PLD5: variants seen among roughly 807,000 people sequenced by gnomAD.
PLD5 encodes the protein inactive phospholipase D5.
Under a neutral mutation model 61.1 loss-of-function variants are expected in PLD5, and 36 were observed. The observed-to-expected ratio is 0.59, with a 90% confidence interval of 0.45 to 0.78. The LOEUF (loss-of-function observed/expected upper bound fraction) is 0.78, where lower values mean the gene tolerates loss of function less well. PLD5 is among the 30% of genes least tolerant of loss of function. The pLI, the probability that PLD5 is intolerant of heterozygous loss-of-function variation, is 0.00. For synonymous variants in PLD5, 243 were observed against 242.8 expected (o/e 1.00, Z -0.01); for missense variants, 515 against 644.4 (o/e 0.80, Z 2.17).
chr1:242,151,184 C>A (rs998866618), intron 5 of PLD5, among the ~76,000 whole-genome samples: 1 of 151,828 alleles, frequency 6.6e-6, no homozygotes, highest in Non-Finnish European at 1.5e-5. Flanking sequence ...CTATAGACAT[C>A]GGTTATCTTT....
intron 5 of PLD5, 67 bp downstream of exon 5, chr1:242,219,921 G>A (rs936999899): frequency 3.6e-5 from 56 of 1,563,520 alleles, no homozygotes; most frequent in Admixed American, 5.1e-5. Flanking sequence ...CTGCAGTAGC[G>A]TGCTTTATGA....
chr1:242,136,621 C>T (rs1663751544), intron 5 of PLD5, among the ~76,000 whole-genome samples: 1 of 152,190 alleles, frequency 6.6e-6, no homozygotes, highest in Non-Finnish European at 1.5e-5. Context: ...AAGCACTACT[C>T]TGCTGAGGCT....
chr1:242,275,429 T>C (rs1258547349), intron 3 of PLD5, among the ~76,000 whole-genome samples: 2 of 152,178 alleles, frequency 1.3e-5, no homozygotes, highest in African/African-American at 4.8e-5. Flanking sequence ...ATATACAAAG[T>C]TTGCCACAGA....
In PLD5 at chr1:242,114,077, G is replaced by A. The variant is rs1268838764; in HGVS notation, c.934-51C>T. ...TTAGCGTACTAATTTTTGGCAGCTG[G>A]GGATTTATTTATTTCCTTTGTTTCC... On this transcript the variant is annotated intron_variant, in intron 6 of 9. Coordinates refer to ENST00000536534, the MANE Select transcript of PLD5 (RefSeq NM_001372062.1). The A allele has an allele frequency of 1.9e-6, 3 of 1,585,854 alleles. No homozygotes were observed. In the Admixed American group the frequency reaches 5.3e-5, roughly 28 times the overall value.
chr1:242,426,899 C>T (rs939726279), intron 1 of PLD5, among the ~76,000 whole-genome samples: 1 of 152,170 alleles, frequency 6.6e-6, no homozygotes, highest in Non-Finnish European at 1.5e-5. Flanking sequence ...GCGCCACCAC[C>T]AGGCCTAGCC....
intron 4 of PLD5, among the ~76,000 whole-genome samples, chr1:242,241,691 C>A (rs1014805711): frequency 6.6e-6 from 1 of 151,578 alleles, no homozygotes; most frequent in Non-Finnish European, 1.5e-5. Context: ...TAAATGTGCG[C>A]AGGTTGGTGA....
intron 1 of PLD5, among the ~76,000 whole-genome samples, chr1:242,498,599 C>T (rs1203439615): frequency 2.0e-5 from 3 of 152,204 alleles, no homozygotes; most frequent in Admixed American, 6.5e-5. Context: ...ATTTATTCAA[C>T]AGTCCCTATG....
Position 242,406,930 on chromosome 1 carries a change from G to A in PLD5, c.190-58688C>T, listed in dbSNP as rs1463583380. Reference sequence around the variant, plus strand: ...TATGAATTGTTAGGTTTTTGGTTCTGTAGGGGTAAGAGGGGAAATTGCCTA... The same window carrying A: ...TATGAATTGTTAGGTTTTTGGTTCTATAGGGGTAAGAGGGGAAATTGCCTA... On this transcript the variant is annotated intron_variant, in intron 1 of 9. Transcript: ENST00000536534. Among the ~76,000 whole-genome samples, 5 of 152,296 alleles carry A rather than the reference G, an allele frequency of 3.3e-5. No homozygotes were observed. In the South Asian group the frequency reaches 6.2e-4, roughly 19 times the overall value.
intron 5 of PLD5, among the ~76,000 whole-genome samples, chr1:242,204,446 G>T (rs999975783): frequency 6.6e-6 from 1 of 152,108 alleles, no homozygotes; most frequent in Non-Finnish European, 1.5e-5. Flanking sequence ...TAACCAAGGC[G>T]TTGCTGCCCA....
intron 5 of PLD5, among the ~76,000 whole-genome samples, chr1:242,140,348 G>C (rs563899276): frequency 5.9e-5 from 9 of 152,280 alleles, no homozygotes; most frequent in African/African-American, 2.2e-4. Flanking sequence ...TGCTATGTAA[G>C]GGATACTTTC....
intron 1 of PLD5, among the ~76,000 whole-genome samples, chr1:242,390,432 G>A (rs1002928894): frequency 2.0e-5 from 3 of 152,116 alleles, no homozygotes; most frequent in African/African-American, 7.2e-5. Context: ...CTCTCACACA[G>A]TTCTTAGATT....
chr1:242,409,071 A>G (rs112340500), intron 1 of PLD5, among the ~76,000 whole-genome samples: 2,240 of 140,428 alleles, frequency 0.016, 20 homozygotes, highest in Non-Finnish European at 0.023. Flanking sequence ...CTCTCAAAAA[A>G]AAAAGAAAAG....
intron 1 of PLD5, among the ~76,000 whole-genome samples, chr1:242,491,908 T>A (rs549432729): frequency 6.6e-6 from 1 of 152,358 alleles, no homozygotes; most frequent in Admixed American, 6.5e-5. Flanking sequence ...ATTCTTATAA[T>A]GCTGCAATTA....
chr1:242,355,281 C>T (rs1431763107), intron 1 of PLD5, among the ~76,000 whole-genome samples: 1 of 152,118 alleles, frequency 6.6e-6, no homozygotes, highest in Non-Finnish European at 1.5e-5. Context: ...CTTTTCATTA[C>T]TGGTTCAATC....
chr1:242,473,924 A>G (rs1425826974), intron 1 of PLD5, among the ~76,000 whole-genome samples: 1 of 152,210 alleles, frequency 6.6e-6, no homozygotes, highest in Non-Finnish European at 1.5e-5. Context: ...TTCAATGGGA[A>G]CATTCCATTA....
chr1:242,259,062 A>G (rs535118497), intron 4 of PLD5, among the ~76,000 whole-genome samples: 7 of 152,352 alleles, frequency 4.6e-5, no homozygotes, highest in African/African-American at 1.7e-4. Flanking sequence ...TGGATTAAAT[A>G]TTAATGAACA....
At chr1:242,450,379 A>T (rs1389709114) in intron 1 of PLD5, among the ~76,000 whole-genome samples, 1 of 151,832 alleles carries the variant, frequency 6.6e-6, no homozygotes, top group Non-Finnish European at 1.5e-5. Flanking sequence ...CATCTATTCC[A>T]CTCTAGAATA....
Position 242,506,553 on chromosome 1 carries a change from G to A in PLD5, c.189+17535C>T, listed in dbSNP as rs1236660596. 2.0e-5 allele frequency among the ~76,000 whole-genome samples: 3 copies of A among 152,288 alleles called. No homozygotes were observed. In the East Asian group the frequency reaches 5.8e-4, roughly 29 times the overall value. On this transcript the variant is annotated intron_variant, in intron 1 of 9. Transcript: ENST00000536534. ...TCTAAATGGAAGAATAGGAAATCAG[G>A]ATGTAACCCAGGCACTGGTAGAGAG...
chr1:242,508,027 TA>T (rs1337504577), intron 1 of PLD5, among the ~76,000 whole-genome samples: 1 of 151,854 alleles, frequency 6.6e-6, no homozygotes, highest in East Asian at 1.9e-4. Flanking sequence ...CCAGCAATTC[TA>T]TTCAAATAGC....
Sources: allele counts gnomAD v4.1 joint callset (sites outside exome capture counted in the v4.1 genomes callset), GRCh38; gene constraint gnomAD v4.1.1; transcripts MANE v1.5; gene names NCBI Gene and HGNC (gene_info 2026-07-23, HGNC 2026-07-21).